MARCHF1: variants seen among roughly 807,000 people sequenced by gnomAD.
MARCHF1 encodes E3 ubiquitin-protein ligase MARCHF1.
In MARCHF1, 40 loss-of-function variants were observed where a neutral mutation model predicts 54.2. The ratio of observed to expected loss-of-function variants is 0.74; its 90% confidence interval spans 0.57 to 0.96. The LOEUF is 0.96. MARCHF1 is among the 40% of genes least tolerant of loss of function. The pLI is 0.00. For missense variants in MARCHF1, 586 were observed against 656.5 expected (o/e 0.89, Z 1.17); for synonymous variants, 236 against 236.3 (o/e 1.00, Z 0.01).
intron 2 of MARCHF1, among the ~76,000 whole-genome samples, chr4:164,059,068 T>C (rs536331391): frequency 6.6e-6 from 1 of 152,326 alleles, no homozygotes; most frequent in South Asian, 2.1e-4. Flanking sequence ...TGTTGATGTT[T>C]GGTACATGCA....
chr4:164,169,441 TTCATCATTTCC>T (rs950097129), intron 1 of MARCHF1, among the ~76,000 whole-genome samples: 8 of 152,194 alleles, frequency 5.3e-5, no homozygotes, highest in African/African-American at 1.9e-4. Context: ...TTAAAGGCTT[TTCATCATTTCC>T]TCACTTATAT....
Position 163,909,159 on chromosome 4 carries a change from C to A in MARCHF1, c.-38-54990G>T, listed in dbSNP as rs1358739270. ...GTATAATATCCTTCTTTAAACAGCC[C>A]ATCCTGGATTAACTTAATTTAATTT... On this transcript the variant is annotated intron_variant, in intron 3 of 9. Coordinates refer to ENST00000514618, the MANE Select transcript of MARCHF1 (RefSeq NM_001394959.1). 2.0e-5 allele frequency among the ~76,000 whole-genome samples: 3 copies of A among 151,982 alleles called. No individual in the cohort carries two copies. The East Asian group carries it at 5.8e-4, about 29-fold the overall frequency.
chr4:164,022,605 A>T (rs1753688723), intron 2 of MARCHF1, among the ~76,000 whole-genome samples: 1 of 152,232 alleles, frequency 6.6e-6, no homozygotes, highest in African/African-American at 2.4e-5. Flanking sequence ...ACTGGCAAAA[A>T]GATCTTCCCA....
At chr4:163,831,563 C>T (rs1173093788) in intron 4 of MARCHF1, among the ~76,000 whole-genome samples, 1 of 151,658 alleles carries the variant, frequency 6.6e-6, no homozygotes, top group Admixed American at 6.6e-5. Flanking sequence ...TGTACTCCAG[C>T]CTGGAGTAAA....
intron 1 of MARCHF1, among the ~76,000 whole-genome samples, chr4:164,239,368 C>A (rs1290693182): frequency 6.6e-6 from 1 of 152,044 alleles, no homozygotes; most frequent in East Asian, 1.9e-4. Flanking sequence ...ATGGCAGACA[C>A]TTGAACTACT....
chr4:163,579,922 T>C (rs1740165282), intron 8 of MARCHF1, among the ~76,000 whole-genome samples: 1 of 151,992 alleles, frequency 6.6e-6, no homozygotes, highest in African/African-American at 2.4e-5. Flanking sequence ...TAAGTAAAAT[T>C]GAGAATTAAT....
intron 1 of MARCHF1, among the ~76,000 whole-genome samples, chr4:164,259,726 A>G (rs36037705): frequency 0.12 from 17,666 of 152,096 alleles, 1,618 homozygotes; most frequent in African/African-American, 0.25. Flanking sequence ...GGTAAATTCT[A>G]TGTGTCCCTT....
intron 2 of MARCHF1, among the ~76,000 whole-genome samples, chr4:164,076,535 G>A (rs1156590732): frequency 6.6e-6 from 1 of 152,150 alleles, no homozygotes; most frequent in Non-Finnish European, 1.5e-5. Flanking sequence ...GGAAGTTGTG[G>A]CCAGGGCAAT....
chr4:164,281,480 T>A (rs1734024544), intron 1 of MARCHF1, among the ~76,000 whole-genome samples: 1 of 152,098 alleles, frequency 6.6e-6, no homozygotes, highest in African/African-American at 2.4e-5. Flanking sequence ...TTAGTTAAAG[T>A]TGAATCATGA....
chr4:163,558,146 G>T lies in MARCHF1; in HGVS notation c.1192-12403C>A, dbSNP rs561082121. ...GCATGAGGTGGAAGGGCACAGGTGA[G>T]GGGGGAAGAGTGGGCAGGACCAGAT... On this transcript the variant is annotated intron_variant, in intron 8 of 9. Transcript: ENST00000514618. Among the ~76,000 whole-genome samples, 12 of 152,270 alleles carry T rather than the reference G, an allele frequency of 7.9e-5. No individual in the cohort carries two copies. In the East Asian group the frequency reaches 2.1e-3, roughly 27 times the overall value.
At chr4:164,052,715 T>A (rs931643351) in intron 2 of MARCHF1, among the ~76,000 whole-genome samples, 1 of 152,158 alleles carries the variant, frequency 6.6e-6, no homozygotes, top group African/African-American at 2.4e-5. Context: ...ACTGATGCAA[T>A]TTGAGCTCAT....
At chr4:164,053,639 T>G (rs1754421230) in intron 2 of MARCHF1, among the ~76,000 whole-genome samples, 1 of 152,256 alleles carries the variant, frequency 6.6e-6, no homozygotes, top group Non-Finnish European at 1.5e-5. Flanking sequence ...CTTCTTTATT[T>G]CATATTTCTC....
intron 1 of MARCHF1, chr4:164,330,057 C>A (rs1372743157): frequency 6.6e-6 from 1 of 151,460 alleles, no homozygotes; most frequent in Non-Finnish European, 1.5e-5. Flanking sequence ...TCCAGTATGT[C>A]CCTTTGGGTG....
At chr4:163,755,898 T>A (rs1007660625) in intron 4 of MARCHF1, among the ~76,000 whole-genome samples, 1 of 152,216 alleles carries the variant, frequency 6.6e-6, no homozygotes, top group African/African-American at 2.4e-5. Context: ...TTACCAATGT[T>A]GAATTATCAG....
At chr4:164,146,702 C>T (rs1024943931) in intron 1 of MARCHF1, among the ~76,000 whole-genome samples, 5 of 152,066 alleles carry the variant, frequency 3.3e-5, no homozygotes, top group African/African-American at 1.2e-4. Flanking sequence ...AAACATTAGA[C>T]CTAAAACTAT....
chr4:163,808,940 C>T (rs12505702), intron 4 of MARCHF1, among the ~76,000 whole-genome samples: 134,221 of 152,150 alleles, frequency 0.88, 60,214 homozygotes, highest in South Asian at 0.98. Context: ...AGTTGTCAGA[C>T]GAGACTGTCT....
chr4:163,974,413 T>C (rs1752609908), intron 3 of MARCHF1, among the ~76,000 whole-genome samples: 1 of 152,210 alleles, frequency 6.6e-6, no homozygotes, highest in East Asian at 1.9e-4. Flanking sequence ...TTGGCAGTCC[T>C]ACTCTTAGAC....
At chr4:164,190,026 G>A (rs772410512) in intron 1 of MARCHF1, 29 of 1,393,032 alleles carry the variant, frequency 2.1e-5, no homozygotes, top group Non-Finnish European at 2.7e-5. Context: ...TGCTGAGGAA[G>A]ACACAAAGCT....
At chr4:163,824,436 T>C (rs988383998) in intron 4 of MARCHF1, among the ~76,000 whole-genome samples, 2 of 147,418 alleles carry the variant, frequency 1.4e-5, no homozygotes, top group Non-Finnish European at 3.0e-5. Context: ...TGGCTAGCCA[T>C]ATGTAGAAAG....
Sources: allele counts gnomAD v4.1 joint callset (sites outside exome capture counted in the v4.1 genomes callset), GRCh38; gene constraint gnomAD v4.1.1; transcripts MANE v1.5; gene names NCBI Gene and HGNC (gene_info 2026-07-23, HGNC 2026-07-21).